The following DPF3 variants were observed in gnomAD, a reference collection of about 807,000 sequenced individuals.
DPF3 encodes zinc finger protein DPF3.
A neutral mutation model predicts 56.8 loss-of-function variants in DPF3; 18 were observed. That is an observed-to-expected ratio of 0.32 (90% CI 0.22 to 0.47). The LOEUF is 0.47. Ranked by LOEUF, DPF3 falls within the 20% of genes least tolerant of loss-of-function variation. The pLI is 1.00. For missense variants in DPF3, 403 were observed against 488.8 expected, an observed-to-expected ratio of 0.82 and a Z score of 1.65; for synonymous variants, 188 against 180.2, an observed-to-expected ratio of 1.04 and a Z score of -0.35.
At chr14:72,850,500 G>A (rs138526892) in intron 1 of DPF3, among the ~76,000 whole-genome samples, 1 of 152,304 alleles carries the variant, frequency 6.6e-6, no homozygotes, top group East Asian at 1.9e-4. Flanking sequence ...TCCAGGGCTG[G>A]CAATCATTAG....
chr14:72,693,012 G>C, intron 7 of DPF3, 64 bp downstream of exon 7: 1 of 1,596,834 alleles, frequency 6.3e-7, no homozygotes, highest in Admixed American at 1.7e-5. Context: ...AAAGGAACAA[G>C]GAACGCTCCC....
At position 72,617,523 on chromosome 14, in the gene DPF3, G is replaced by A. The variant is rs28392780; in HGVS notation, c.*1774C>T. Among the ~76,000 whole-genome samples the A allele has an allele frequency of 0.024, 3,630 of 152,178 alleles. 142 individuals are homozygous for A. The highest frequency in any genetic ancestry group is 0.082 in the African/African-American group (3,420 of 41,488). ...AGGAAGATGAAAATTCCATCCGGTC[G>A]GGGGCCCTTTAAATGAGACCATTAT... On this transcript the variant is annotated 3_prime_UTR_variant, in exon 11 of 11. Transcript: ENST00000556509.
At chr14:72,717,087 A>G (rs1437838048) in intron 5 of DPF3, among the ~76,000 whole-genome samples, 4 of 152,114 alleles carry the variant, frequency 2.6e-5, no homozygotes, top group Admixed American at 2.6e-4. Flanking sequence ...ACCCACTTAC[A>G]CAGCCAGTGG....
chr14:72,785,765 C>T (rs1189629845), intron 1 of DPF3, among the ~76,000 whole-genome samples: 1 of 152,144 alleles, frequency 6.6e-6, no homozygotes, highest in Non-Finnish European at 1.5e-5. Context: ...CAGAGAAATA[C>T]AAAATGTCAT....
At chr14:72,680,037 G>A (rs992209536) in intron 7 of DPF3, among the ~76,000 whole-genome samples, 12 of 152,032 alleles carry the variant, frequency 7.9e-5, no homozygotes, top group African/African-American at 1.9e-4. Context: ...AGGGAGAGGC[G>A]GGCTGGGGAG....
intron 1 of DPF3, among the ~76,000 whole-genome samples, chr14:72,867,043 A>G (rs1885702226): frequency 7.3e-6 from 1 of 137,840 alleles, no homozygotes; most frequent in Non-Finnish European, 1.7e-5. Context: ...TGGTATTTCA[A>G]CAGGACGGCT....
chr14:72,794,006 G>A (rs1454860416), intron 1 of DPF3, among the ~76,000 whole-genome samples: 1 of 152,170 alleles, frequency 6.6e-6, no homozygotes, highest in East Asian at 1.9e-4. Flanking sequence ...TCCATGGAGT[G>A]CCTATTCCAT....
intron 8 of DPF3, chr14:72,661,854 CTTTTT>C (rs60114618): frequency 0.3 from 275,320 of 915,908 alleles, 8,375 homozygotes; most frequent in East Asian, 0.59. Flanking sequence ...TTTATTTTTG[CTTTTT>C]TTTTTTTTTT....
intron 1 of DPF3, among the ~76,000 whole-genome samples, chr14:72,882,799 C>T (rs1384376917): frequency 6.6e-6 from 1 of 152,148 alleles, no homozygotes; most frequent in East Asian, 1.9e-4. Flanking sequence ...CGTTGCCGCC[C>T]CTCTCCCCAC....
At chr14:72,708,283 T>C (rs1888499555) in intron 6 of DPF3, among the ~76,000 whole-genome samples, 1 of 152,180 alleles carries the variant, frequency 6.6e-6, no homozygotes, top group South Asian at 2.1e-4. Flanking sequence ...GCAACCTGTG[T>C]CCATGACACA....
At position 72,863,144 on chromosome 14, in the gene DPF3, A is replaced by G. The variant is rs964441705; in HGVS notation, c.32+30913T>C. ...TGTGTGTGTGTGTGTGTGTATATATATATGTGTGTGTGTGTGTGTGTGTGT... is the reference window on the plus strand; with the variant it reads ...TGTGTGTGTGTGTGTGTGTATATATGTATGTGTGTGTGTGTGTGTGTGTGT... On this transcript the variant is annotated intron_variant, in intron 1 of 10. Transcript: ENST00000556509. Among the ~76,000 whole-genome samples the G allele has an allele frequency of 1.9e-3, 190 of 101,954 alleles. 3 individuals carry two copies. The highest frequency in any genetic ancestry group is 8.2e-3 in the African/African-American group (169 of 20,566). 66.9% of individuals were successfully genotyped at this position (101,954 alleles called of 152,430 possible). A position where few individuals can be genotyped will look rare whatever the true frequency, so the allele number is the denominator to read the frequency against.
intron 6 of DPF3, among the ~76,000 whole-genome samples, chr14:72,701,952 C>T (rs967222208): frequency 3.3e-5 from 5 of 152,206 alleles, no homozygotes; most frequent in African/African-American, 9.7e-5. Flanking sequence ...TCTGCCGATG[C>T]CTCCAAGGCA....
At chr14:72,824,683 C>T (rs1187134828) in intron 1 of DPF3, among the ~76,000 whole-genome samples, 1 of 151,746 alleles carries the variant, frequency 6.6e-6, no homozygotes, top group African/African-American at 2.4e-5. Context: ...AGCCCTGCTC[C>T]TCCTCAGTCT....
intron 1 of DPF3, chr14:72,892,655 G>C: frequency 9.3e-7 from 1 of 1,073,760 alleles, no homozygotes; most frequent in Non-Finnish European, 1.1e-6. Context: ...AGAATGCGCT[G>C]AATTAAAAGA....
intron 8 of DPF3, among the ~76,000 whole-genome samples, chr14:72,664,704 T>C (rs1000424144): frequency 6.6e-6 from 1 of 152,206 alleles, no homozygotes; most frequent in Non-Finnish European, 1.5e-5. Context: ...ACAATATTTA[T>C]TAAGCATCCT....
chr14:72,670,238 G>A (rs554948454), intron 8 of DPF3: 2 of 986,020 alleles, frequency 2.0e-6, no homozygotes, highest in African/African-American at 3.5e-5. Flanking sequence ...TCGGCCTCGG[G>A]TGGTGGAGTC....
In DPF3 at chr14:72,723,736, G is replaced by GA. The variant is rs35285137; in HGVS notation, c.430-9dup. 293,744 of 1,295,452 alleles carry GA rather than the reference G, an allele frequency of 0.23. 10,282 individuals are homozygous for GA. Among genetic ancestry groups the GA allele is most frequent in the Middle Eastern group, 0.32 (1,672 of 5,158 alleles). 80.2% of individuals were successfully genotyped at this position (1,295,452 alleles called of 1,614,324 possible). ...ATCATTTTCCAAAACCCTCTGAAAT[G>GA]AAAAAAAAAAATAGAAAAGGTGAGA... On this transcript the variant is annotated splice_polypyrimidine_tract_variant and intron_variant, in intron 4 of 10. Coordinates refer to ENST00000556509, the MANE Select transcript of DPF3 (RefSeq NM_001280542.3).
chr14:72,665,779 T>C (rs912792758), intron 8 of DPF3, among the ~76,000 whole-genome samples: 1 of 152,238 alleles, frequency 6.6e-6, no homozygotes, highest in African/African-American at 2.4e-5. Context: ...GTTATAGCAT[T>C]GCATCGATGT....
chr14:72,683,012 T>A (rs1472232442), intron 7 of DPF3, among the ~76,000 whole-genome samples: 1 of 152,186 alleles, frequency 6.6e-6, no homozygotes, highest in African/African-American at 2.4e-5. Context: ...AGGTAGTGGT[T>A]TACCTGGGAA....
Sources: gnomAD v4.1 joint callset for allele counts (sites outside exome capture counted in the v4.1 genomes callset) on GRCh38, gnomAD v4.1.1 for gene constraint, MANE v1.5 for transcripts, NCBI Gene and HGNC (gene_info 2026-07-23, HGNC 2026-07-21) for gene names.